Variants in MACROD2 observed in about 807,000 individuals in gnomAD.
MACROD2 encodes ADP-ribose glycohydrolase MACROD2.
In MACROD2, 36 loss-of-function variants were observed where a neutral mutation model predicts 70.4. The ratio of observed to expected loss-of-function variants is 0.51; its 90% CI spans 0.39 to 0.68. MACROD2 has a LOEUF of 0.68. Among genes scored for constraint, MACROD2 ranks in the 30% least tolerant of loss-of-function variants. MACROD2 has a pLI of 0.00. For missense variants in MACROD2, 496 were observed against 538.4 expected, an observed-to-expected ratio of 0.92 and a Z score of 0.78; for synonymous variants, 172 against 178.8, an observed-to-expected ratio of 0.96 and a Z score of 0.30.
intron 3 of MACROD2, among the ~76,000 whole-genome samples, chr20:14,231,948 G>T (rs946397106): frequency 6.6e-5 from 10 of 152,314 alleles, no homozygotes; most frequent in Admixed American, 1.3e-4. Context: ...CCTTTGAGAA[G>T]TGTCTGTTCA....
chr20:15,854,110 T>C (rs928564584), intron 8 of MACROD2, among the ~76,000 whole-genome samples: 1 of 152,084 alleles, frequency 6.6e-6, no homozygotes, highest in Non-Finnish European at 1.5e-5. Flanking sequence ...CCTTCAAATA[T>C]GATGGGGTAG....
intron 5 of MACROD2, among the ~76,000 whole-genome samples, chr20:15,109,284 C>T (rs560090977): frequency 3.9e-5 from 6 of 152,220 alleles, no homozygotes; most frequent in South Asian, 2.1e-4. Context: ...TGATCAGAGT[C>T]GTCTGAAACT....
At chr20:14,931,493 A>G (rs1409243885) in intron 5 of MACROD2, among the ~76,000 whole-genome samples, 3 of 152,130 alleles carry the variant, frequency 2.0e-5, no homozygotes, top group South Asian at 2.1e-4. Context: ...GATTCTTCTC[A>G]GGGTATGCTT....
intron 7 of MACROD2, among the ~76,000 whole-genome samples, chr20:15,459,586 C>T (rs1368742625): frequency 6.6e-6 from 1 of 151,998 alleles, no homozygotes; most frequent in Non-Finnish European, 1.5e-5. Flanking sequence ...TAAAGAATTA[C>T]GGCTGCCTGC....
intron 8 of MACROD2, among the ~76,000 whole-genome samples, chr20:15,601,827 G>T (rs2048824646): frequency 6.6e-6 from 1 of 152,092 alleles, no homozygotes; most frequent in Non-Finnish European, 1.5e-5. Context: ...AGGAGATCGA[G>T]ACCATCCTGG....
intron 5 of MACROD2, among the ~76,000 whole-genome samples, chr20:15,157,404 C>T (rs1366841719): frequency 6.8e-6 from 1 of 147,138 alleles, no homozygotes; most frequent in Non-Finnish European, 1.5e-5. Flanking sequence ...TAAATACCAT[C>T]ACATCAGGGG....
intron 3 of MACROD2, among the ~76,000 whole-genome samples, chr20:14,492,155 T>C (rs1345717280): frequency 6.6e-6 from 1 of 152,166 alleles, no homozygotes. Context: ...TGTGTAAATA[T>C]CACACACTTA....
At chr20:15,884,571 G>T (rs947842505) in intron 9 of MACROD2, among the ~76,000 whole-genome samples, 1 of 152,040 alleles carries the variant, frequency 6.6e-6, no homozygotes, top group South Asian at 2.1e-4. Flanking sequence ...TGGCAGTCAC[G>T]TGTAAAAGGA....
intron 5 of MACROD2, among the ~76,000 whole-genome samples, chr20:14,843,163 CTTTTTT>C (rs11389584): frequency 1.3e-4 from 16 of 119,266 alleles, no homozygotes; most frequent in Non-Finnish European, 1.9e-4. Flanking sequence ...TGTTCATTAA[CTTTTTT>C]TTTTTTTTTT....
intron 5 of MACROD2, among the ~76,000 whole-genome samples, chr20:15,211,757 T>C (rs1255224549): frequency 6.6e-6 from 1 of 152,186 alleles, no homozygotes; most frequent in East Asian, 1.9e-4. Context: ...ATAAACCTCT[T>C]TTCTTTTTAA....
At chr20:15,816,613 G>C (rs113771885) in intron 8 of MACROD2, among the ~76,000 whole-genome samples, 9 of 152,188 alleles carry the variant, frequency 5.9e-5, no homozygotes, top group Middle Eastern at 3.4e-3. Flanking sequence ...AACTCCCACG[G>C]CTTCTTCCTT....
At chr20:15,114,499 C>CAGT (rs1158168135) in intron 5 of MACROD2, among the ~76,000 whole-genome samples, 5 of 152,044 alleles carry the variant, frequency 3.3e-5, no homozygotes, top group Non-Finnish European at 2.9e-5. Flanking sequence ...GTGAGGACAT[C>CAGT]AGTCAGTCTT....
intron 5 of MACROD2, among the ~76,000 whole-genome samples, chr20:15,067,448 C>T (rs150051733): frequency 1.5e-4 from 23 of 152,220 alleles, no homozygotes; most frequent in Admixed American, 3.3e-4. Context: ...CTCCCAGGTT[C>T]GAGTGATTCT....
At chr20:15,578,379 G>A (rs901317972) in intron 8 of MACROD2, among the ~76,000 whole-genome samples, 1 of 152,174 alleles carries the variant, frequency 6.6e-6, no homozygotes, top group Non-Finnish European at 1.5e-5. Flanking sequence ...CTTTAAGCTT[G>A]AAATGTCTTC....
intron 3 of MACROD2, among the ~76,000 whole-genome samples, chr20:14,366,445 C>T (rs187636660): frequency 6.6e-6 from 1 of 150,634 alleles, no homozygotes; most frequent in African/African-American, 2.4e-5. Flanking sequence ...TGGCTCACTG[C>T]AATCTCTGCC....
chr20:15,308,056 T>G (rs1485417281), intron 6 of MACROD2, among the ~76,000 whole-genome samples: 1 of 152,164 alleles, frequency 6.6e-6, no homozygotes, highest in Non-Finnish European at 1.5e-5. Flanking sequence ...AGGCAATGGA[T>G]GTTTATTTAT....
At chr20:14,041,601 T>G (rs987945678) in intron 2 of MACROD2, among the ~76,000 whole-genome samples, 6 of 152,202 alleles carry the variant, frequency 3.9e-5, no homozygotes, top group Non-Finnish European at 8.8e-5. Context: ...TCTAGAAAGA[T>G]GTAAGGCTGA....
At chr20:15,538,555 GT>G (rs1331333786) in intron 8 of MACROD2, among the ~76,000 whole-genome samples, 4 of 152,188 alleles carry the variant, frequency 2.6e-5, no homozygotes, top group Non-Finnish European at 4.4e-5. Flanking sequence ...TTCAATCACA[GT>G]TTTTGAAATG....
chr20:15,895,918 A>G (rs1250967404), intron 10 of MACROD2, among the ~76,000 whole-genome samples: 4 of 152,236 alleles, frequency 2.6e-5, no homozygotes, highest in Non-Finnish European at 5.9e-5. Flanking sequence ...TTTACCACAC[A>G]TACGGCACTT....
Sources: allele counts gnomAD v4.1 joint callset (sites outside exome capture counted in the v4.1 genomes callset), GRCh38; gene constraint gnomAD v4.1.1; transcripts MANE v1.5; gene names NCBI Gene and HGNC (gene_info 2026-07-23, HGNC 2026-07-21).